Variants in GALNTL6 observed in about 807,000 individuals in gnomAD.
GALNTL6 encodes the protein polypeptide N-acetylgalactosaminyltransferase like 6, also known as polypeptide N-acetylgalactosaminyltransferase-like 6.
GALNTL6 carries 46 observed loss-of-function variants against 73.7 expected under a neutral mutation model. The ratio of observed to expected loss-of-function variants is 0.62; its 90% CI spans 0.49 to 0.80. The LOEUF (loss-of-function observed/expected upper bound fraction) is 0.80, where lower values mean the gene tolerates loss of function less well. Ranked by LOEUF, GALNTL6 falls within the 30% of genes least tolerant of loss-of-function variation. The pLI is 0.00. For missense variants in GALNTL6, 604 were observed against 755.0 expected, an observed-to-expected ratio of 0.80 and a Z score of 2.34; for synonymous variants, 259 against 263.7, an observed-to-expected ratio of 0.98 and a Z score of 0.17.
At chr4:171,991,211 G>T (rs1740322648) in intron 2 of GALNTL6, among the ~76,000 whole-genome samples, 1 of 152,140 alleles carries the variant, frequency 6.6e-6, no homozygotes, top group Non-Finnish European at 1.5e-5. Context: ...TTTAAGAAAA[G>T]ATGTGTAAGA....
At chr4:172,628,008 T>C (rs1364179591) in intron 5 of GALNTL6, among the ~76,000 whole-genome samples, 1 of 152,096 alleles carries the variant, frequency 6.6e-6, no homozygotes, top group Non-Finnish European at 1.5e-5. Flanking sequence ...CTCTCAGTTC[T>C]GCTCTGTGAG....
intron 2 of GALNTL6, among the ~76,000 whole-genome samples, chr4:171,903,483 G>A (rs990867356): frequency 5.3e-5 from 8 of 152,070 alleles, no homozygotes; most frequent in Admixed American, 1.3e-4. Context: ...CACGTGGCTC[G>A]GAGGGTCCCA....
chr4:172,403,704 G>T (rs912050287), intron 5 of GALNTL6, among the ~76,000 whole-genome samples: 1 of 151,876 alleles, frequency 6.6e-6, no homozygotes, highest in Non-Finnish European at 1.5e-5. Flanking sequence ...TTTTTAAGTT[G>T]CATGTATTCA....
intron 2 of GALNTL6, among the ~76,000 whole-genome samples, chr4:172,157,832 A>G (rs971113497): frequency 3.9e-5 from 6 of 152,030 alleles, no homozygotes; most frequent in African/African-American, 1.5e-4. Flanking sequence ...GTTTTTTATG[A>G]TTAGATTGTT....
chr4:172,356,859 G>C (rs985496889), intron 5 of GALNTL6, among the ~76,000 whole-genome samples: 1 of 151,990 alleles, frequency 6.6e-6, no homozygotes, highest in Non-Finnish European at 1.5e-5. Context: ...GGTATCCAAG[G>C]TTCCTTTCTT....
Position 173,021,467 on chromosome 4 carries a change from C to G in GALNTL6, c.1489-9C>G, listed in dbSNP as rs1345924726. ...CACTGCAGCTTTTCTGCTACTGTTGCTTTGCTAGCTTTTTACCTTTGGATG... is the reference window on the plus strand; with the variant it reads ...CACTGCAGCTTTTCTGCTACTGTTGGTTTGCTAGCTTTTTACCTTTGGATG... On this transcript the variant is annotated splice_polypyrimidine_tract_variant and intron_variant, in intron 11 of 12. Coordinates refer to ENST00000506823, the MANE Select transcript of GALNTL6 (RefSeq NM_001034845.3). 6.2e-7 allele frequency: 1 copy of G among 1,613,904 alleles called. No individual in the cohort carries two copies. Among genetic ancestry groups the G allele is most frequent in the Admixed American group, 1.7e-5 (1 of 60,004 alleles).
chr4:172,449,424 A>G, intron 5 of GALNTL6, among the ~76,000 whole-genome samples: 1 of 152,164 alleles, frequency 6.6e-6, no homozygotes, highest in East Asian at 1.9e-4. Context: ...TCTCCAAGCA[A>G]GTTCCCATTC....
chr4:172,008,194 G>A (rs1456765884), intron 2 of GALNTL6, among the ~76,000 whole-genome samples: 4 of 152,146 alleles, frequency 2.6e-5, no homozygotes, highest in Non-Finnish European at 5.9e-5. Flanking sequence ...ACAGACAAAA[G>A]ATGTTTTAAA....
chr4:171,916,754 G>A (rs1167982197), intron 2 of GALNTL6, among the ~76,000 whole-genome samples: 1 of 151,794 alleles, frequency 6.6e-6, no homozygotes, highest in Non-Finnish European at 1.5e-5. Flanking sequence ...AAAATGCAGG[G>A]AATTATAATA....
rs1736320850 is a variant in GALNTL6 at position 171,877,821 on chromosome 4, A to G, written c.138+63103A>G. 2.0e-5 allele frequency among the ~76,000 whole-genome samples: 3 copies of G among 152,322 alleles called. No individual in the cohort carries two copies. The South Asian group carries it at 6.2e-4, about 32-fold the overall frequency. The stretch of plus-strand genomic sequence containing the variant: ...AATGATAACAAAATAATGATTAAAA[A>G]CCAAGTTAATTTTGCATACATCGAT... On this transcript the variant is annotated intron_variant, in intron 2 of 12. Transcript: ENST00000506823.
chr4:172,665,724 G>A (rs1731624231), intron 5 of GALNTL6, among the ~76,000 whole-genome samples: 1 of 152,162 alleles, frequency 6.6e-6, no homozygotes, highest in Non-Finnish European at 1.5e-5. Flanking sequence ...AGAGCACAAG[G>A]AATGGAATGA....
intron 2 of GALNTL6, among the ~76,000 whole-genome samples, chr4:171,925,892 T>C (rs1033886307): frequency 2.0e-5 from 3 of 152,118 alleles, no homozygotes; most frequent in Non-Finnish European, 4.4e-5. Context: ...AAGTACTTCT[T>C]ATATAGCTTT....
At chr4:172,850,482 A>G (rs1315700206) in intron 7 of GALNTL6, among the ~76,000 whole-genome samples, 3 of 152,188 alleles carry the variant, frequency 2.0e-5, no homozygotes, top group Non-Finnish European at 2.9e-5. Flanking sequence ...TTTTTCTTCT[A>G]CATTCACGCT....
chr4:172,744,790 A>G (rs1283992862), intron 5 of GALNTL6, among the ~76,000 whole-genome samples: 1 of 151,808 alleles, frequency 6.6e-6, no homozygotes, highest in African/African-American at 2.4e-5. Context: ...TCAATCTCAT[A>G]GTGCCATTTC....
chr4:172,803,417 G>A (rs537777704), intron 5 of GALNTL6, among the ~76,000 whole-genome samples: 3 of 152,184 alleles, frequency 2.0e-5, no homozygotes, highest in South Asian at 2.1e-4. Context: ...GGTGATCTGA[G>A]GTAAAATAGT....
At chr4:172,269,048 T>A (rs1275358172) in intron 3 of GALNTL6, among the ~76,000 whole-genome samples, 1 of 152,134 alleles carries the variant, frequency 6.6e-6, no homozygotes, top group Non-Finnish European at 1.5e-5. Context: ...ACATATTTTC[T>A]CCTCCAAGCA....
chr4:171,963,676 C>T (rs569067634), intron 2 of GALNTL6, among the ~76,000 whole-genome samples: 4 of 152,304 alleles, frequency 2.6e-5, no homozygotes, highest in South Asian at 4.1e-4. Context: ...CTTACTTAAA[C>T]AGGATCTGGT....
intron 5 of GALNTL6, among the ~76,000 whole-genome samples, chr4:172,498,630 T>C (rs1238854196): frequency 6.6e-6 from 1 of 152,208 alleles, no homozygotes; most frequent in African/African-American, 2.4e-5. Context: ...CAACTACTTA[T>C]AAATTCAGGT....
intron 4 of GALNTL6, among the ~76,000 whole-genome samples, chr4:172,340,818 C>T (rs1322378858): frequency 6.6e-6 from 1 of 152,134 alleles, no homozygotes; most frequent in Non-Finnish European, 1.5e-5. Flanking sequence ...GGTATTGTTT[C>T]CTCTAATCCA....
Sources: gnomAD v4.1 joint callset for allele counts (sites outside exome capture counted in the v4.1 genomes callset) on GRCh38, gnomAD v4.1.1 for gene constraint, MANE v1.5 for transcripts, NCBI Gene and HGNC (gene_info 2026-07-23, HGNC 2026-07-21) for gene names.